Variants in DCAKD observed in about 807,000 individuals in gnomAD.
DCAKD encodes the protein dephospho-CoA kinase domain-containing protein.
Under a neutral mutation model 18.7 loss-of-function variants are expected in DCAKD, and 15 were observed. The ratio of observed to expected loss-of-function variants is 0.80; its 90% confidence interval spans 0.54 to 1.24. DCAKD has a LOEUF of 1.24. DCAKD is among the 50% of genes most tolerant of loss of function. DCAKD has a pLI of 0.00. For synonymous variants in DCAKD, 130 were observed against 133.0 expected (o/e 0.98, Z 0.16); for missense variants, 301 against 322.0 (o/e 0.93, Z 0.50).
At chr17:45,025,768 T>TC in intron 4 of DCAKD, among the ~76,000 whole-genome samples, 3 of 86,178 alleles carry the variant, frequency 3.5e-5, no homozygotes, top group East Asian at 5.5e-4. Flanking sequence ...TTTTTTTTTT[T>TC]CCTGAGACAG....
chr17:45,029,095 GT>G (rs2053119731), intron 4 of DCAKD, among the ~76,000 whole-genome samples: 1 of 152,238 alleles, frequency 6.6e-6, no homozygotes, highest in Non-Finnish European at 1.5e-5. Flanking sequence ...TCTTCGTGGG[GT>G]TTGCCTGACC....
At chr17:45,046,887 AG>A (rs1236736060) in intron 1 of DCAKD, among the ~76,000 whole-genome samples, 1 of 152,130 alleles carries the variant, frequency 6.6e-6, no homozygotes, top group Non-Finnish European at 1.5e-5. Context: ...ACGGTCCCAC[AG>A]GGTGAAAATC....
chr17:45,026,656 A>G (rs2053062200), intron 4 of DCAKD: 7 of 985,432 alleles, frequency 7.1e-6, no homozygotes, highest in Non-Finnish European at 7.2e-6. Flanking sequence ...AAGCAGACCA[A>G]GTGAGGCCAA....
At chr17:45,048,466 C>T (rs1196040098) in intron 1 of DCAKD, among the ~76,000 whole-genome samples, 3 of 152,064 alleles carry the variant, frequency 2.0e-5, no homozygotes, top group African/African-American at 7.3e-5. Flanking sequence ...GGTGAAACCC[C>T]GTCTCTACTA....
rs1465143627 is a variant in DCAKD, at chr17:45,043,119, T to C, written c.-114-8120A>G. On this transcript the variant is annotated intron_variant, in intron 1 of 4. Transcript: ENST00000651974. ...TAACTAGCTGTATGGCTGTAGGCAA[T>C]TTAATTCAGCATCCTGAGCTTCTCT... is the stretch of plus-strand genomic sequence containing the variant. Among the ~76,000 whole-genome samples the C allele has an allele frequency of 2.0e-5, 3 of 152,132 alleles. No homozygotes were observed. The East Asian group carries it at 5.8e-4, about 29-fold the overall frequency.
intron 1 of DCAKD, among the ~76,000 whole-genome samples, chr17:45,041,470 C>T (rs2053435303): frequency 6.6e-6 from 1 of 152,068 alleles, no homozygotes; most frequent in Admixed American, 6.6e-5. Flanking sequence ...GCCATCATGC[C>T]CGGCTAATTT....
At chr17:45,041,731 C>G (rs2053441211) in intron 1 of DCAKD, among the ~76,000 whole-genome samples, 1 of 151,870 alleles carries the variant, frequency 6.6e-6, no homozygotes, top group Non-Finnish European at 1.5e-5. Flanking sequence ...AGACACCAGG[C>G]ACGAGAAGGG....
exon 1 of DCAKD, chr17:45,061,038 G>A (rs530329017): frequency 1.7e-6 from 2 of 1,189,770 alleles, no homozygotes; most frequent in Non-Finnish European, 2.1e-6. Flanking sequence ...CATCATGCCA[G>A]GCGGCCGCCC....
chr17:45,026,878 A>T (rs2053066866), intron 4 of DCAKD: 2 of 957,768 alleles, frequency 2.1e-6, no homozygotes, highest in Non-Finnish European at 2.5e-6. Context: ...GTAGGTGCAC[A>T]TCCTCCTGAA....
At chr17:45,045,849 G>A (rs906321727) in intron 1 of DCAKD, among the ~76,000 whole-genome samples, 7 of 151,904 alleles carry the variant, frequency 4.6e-5, no homozygotes, top group African/African-American at 1.2e-4. Context: ...TTTTTGAGAC[G>A]GAGCCTTGCT....
intron 1 of DCAKD, among the ~76,000 whole-genome samples, chr17:45,044,608 C>G (rs1439002616): frequency 1.3e-5 from 2 of 152,114 alleles, no homozygotes; most frequent in Non-Finnish European, 2.9e-5. Flanking sequence ...AGGACAATCA[C>G]TTGAACCTAG....
intron 1 of DCAKD, among the ~76,000 whole-genome samples, chr17:45,058,119 A>G (rs2053806118): frequency 6.6e-6 from 1 of 150,940 alleles, no homozygotes; most frequent in African/African-American, 2.4e-5. Context: ...GTTTAAGACC[A>G]GCCTGGCCAA....
Position 45,024,710 on chromosome 17 carries a change from T to C in DCAKD, c.419A>G (p.Gln140Arg). ...TVVVYCDRDTQLARLMRRNSL... is the reference protein window; with the variant it reads ...TVVVYCDRDTRLARLMRRNSL... ...GTTCCGCCGCATCAGCCGTGCCAGC[T>C]GTGTGTCCCGGTCGCTAAGGATAGG... The change falls in exon 5 of 5, where the codon CAG (glutamine) becomes CGG (arginine). Residue 140 changes from glutamine to arginine, a missense_variant. Transcript: ENST00000651974. 1 of 1,582,544 alleles carries C rather than the reference T, an allele frequency of 6.3e-7. No homozygotes were observed. Among genetic ancestry groups the C allele is most frequent in the South Asian group, 1.1e-5 (1 of 88,420 alleles).
intron 4 of DCAKD, among the ~76,000 whole-genome samples, chr17:45,025,926 ATT>A (rs566878595): frequency 4.0e-5 from 5 of 126,236 alleles, no homozygotes; most frequent in Admixed American, 7.7e-5. Flanking sequence ...TAATTTTTGT[ATT>A]TTTTTTTTTT....
intron 1 of DCAKD, among the ~76,000 whole-genome samples, chr17:45,058,152 T>C (rs2053806470): frequency 2.0e-5 from 3 of 151,248 alleles, no homozygotes; most frequent in Non-Finnish European, 2.9e-5. Flanking sequence ...CCATCTCTAC[T>C]GTAAGTACAA....
At chr17:45,026,401 G>A (rs994578286) in intron 4 of DCAKD, among the ~76,000 whole-genome samples, 4 of 148,414 alleles carry the variant, frequency 2.7e-5, no homozygotes, top group African/African-American at 7.5e-5. Context: ...CTAATTTTTT[G>A]ATTTTTAGTA....
chr17:45,033,102 T>C (rs2053207103), intron 3 of DCAKD, among the ~76,000 whole-genome samples: 1 of 152,096 alleles, frequency 6.6e-6, no homozygotes, highest in South Asian at 2.1e-4. Flanking sequence ...TCCCAGCACT[T>C]TGGGAGGACA....
Position 45,034,945 on chromosome 17 carries a change from G to GAGC in DCAKD, c.-63_-61dup. 2 of 1,581,890 alleles carry GAGC rather than the reference G, an allele frequency of 1.3e-6. No individual in the cohort carries two copies. Among genetic ancestry groups the GAGC allele is most frequent in the Admixed American group, 1.7e-5 (1 of 57,876 alleles). ...AGCCAGGAGCTACAGAATCACTGGA[G>GAGC]AGCAGGGCAAGTGTGGCCGATGGGG... On this transcript the variant is annotated 5_prime_UTR_variant, in exon 2 of 5. Transcript: ENST00000651974.
chr17:45,051,477 T>C lies in DCAKD; in HGVS notation c.-231A>G, dbSNP rs544690124. ...CGCCCGGGGCGGTGGCAGCCCCGCG[T>C]AGCAGCCGCGGCCAGGGCCCGCCCC... On this transcript the variant is annotated 5_prime_UTR_variant, in exon 1 of 5. Transcript: ENST00000651974. The C allele has an allele frequency of 2.1e-3, 323 of 151,894 alleles. 1 individual carries two copies. The highest frequency in any genetic ancestry group is 7.5e-3 in the African/African-American group (309 of 41,468). 9.4% of individuals were successfully genotyped at this position (151,894 alleles called of 1,614,324 possible).
Sources: gnomAD v4.1 joint callset for allele counts (sites outside exome capture counted in the v4.1 genomes callset) on GRCh38, gnomAD v4.1.1 for gene constraint, MANE v1.5 for transcripts, NCBI Gene and HGNC (gene_info 2026-07-23, HGNC 2026-07-21) for gene names.